Variants in ABCC6 observed in about 807,000 individuals in gnomAD.
ABCC6 encodes the protein ATP-binding cassette sub-family C member 6.
In ABCC6, 126 loss-of-function variants were observed where a neutral mutation model predicts 169.5. The observed-to-expected ratio is 0.74, with a 90% CI of 0.64 to 0.86. The LOEUF is 0.86. Ranked by LOEUF, ABCC6 falls within the 40% of genes least tolerant of loss-of-function variation. The pLI is 0.00. For synonymous variants in ABCC6, 752 were observed against 814.7 expected (o/e 0.92, Z 1.31); for missense variants, 1,733 against 1,927.2 (o/e 0.90, Z 1.89).
chr16:16,215,081 C>T (rs751223996), intron 4 of ABCC6, among the ~76,000 whole-genome samples: 4 of 152,214 alleles, frequency 2.6e-5, no homozygotes, highest in Non-Finnish European at 5.9e-5. Flanking sequence ...ATCCTTTCTC[C>T]GTTCCACCCT....
intron 24 of ABCC6, among the ~76,000 whole-genome samples, chr16:16,162,515 T>A (rs1596607362): frequency 6.6e-6 from 1 of 152,218 alleles, no homozygotes; most frequent in East Asian, 1.9e-4. Flanking sequence ...GTTACAGGTC[T>A]TACCTATGAG....
Position 16,188,990 on chromosome 16 carries a change from G to A in ABCC6, c.1636-16C>T, listed in dbSNP as rs529292262. 2.5e-6 allele frequency: 4 copies of A among 1,612,542 alleles called. No individual in the cohort carries two copies. The highest frequency in any genetic ancestry group is 3.4e-6 in the Non-Finnish European group (4 of 1,179,368). On this transcript the variant is annotated splice_polypyrimidine_tract_variant and intron_variant, in intron 12 of 30. Coordinates refer to ENST00000205557, the MANE Select transcript of ABCC6 (RefSeq NM_001171.6). ...CCAGTGCGACCTGGGGGGTGGGGGG[G>A]ACACGTGGGGCAACAGTGAGACACG...
At chr16:16,182,320 T>A in intron 17 of ABCC6, 92 bp downstream of exon 17, 1 of 1,522,872 alleles carries the variant, frequency 6.6e-7, no homozygotes, top group South Asian at 1.1e-5. Context: ...ATTCCTCTCA[T>A]TTCTCCATCA....
rs72653791 is a variant in ABCC6 at position 16,178,871 on chromosome 16, G to A, written c.2342C>T (p.Ala781Val). 29 of 1,613,750 alleles carry A rather than the reference G, an allele frequency of 1.8e-5. No homozygotes were observed. Among genetic ancestry groups the A allele is most frequent in the South Asian group, 4.4e-5 (4 of 91,082 alleles). ...AAVYLLDDPL[A>V]ALDAHVGQHV... ...CTGGCCAACGTGGGCATCCAGGGCC[G>A]CCAGGGGGTCATCCAGCAGGTACAC... Residue 781 changes from alanine to valine, a missense_variant, in exon 18 of 31, where the codon GCG becomes GTG. Coordinates refer to ENST00000205557, the MANE Select transcript of ABCC6 (RefSeq NM_001171.6).
Position 16,154,726 on chromosome 16 carries a change from A to G in ABCC6, c.4110T>C (p.Ala1370=), listed in dbSNP as rs1182091349. The G allele has an allele frequency of 6.2e-7, 1 of 1,613,396 alleles. No homozygotes were observed. Among genetic ancestry groups the G allele is most frequent in the African/African-American group, 1.3e-5 (1 of 74,894 alleles). ...GCACCGTCTCCAGGGCTGCCCAGAT[A>G]GCCTCGTCCGAGTGCTCCTGCAGCA... The part of the protein sequence containing the change: ...LDLLQEHSDE[A]IWAALETVQL... The change falls in exon 29 of 31, where the codon GCT becomes GCC. Residue 1370 remains alanine, a synonymous_variant. Transcript: ENST00000205557.
chr16:16,220,931 C>T (rs1340075878), intron 2 of ABCC6, among the ~76,000 whole-genome samples: 1 of 151,722 alleles, frequency 6.6e-6, no homozygotes, highest in Non-Finnish European at 1.5e-5. Context: ...GTAACACAGT[C>T]ATGACTATTG....
At position 16,154,985 on chromosome 16, in the gene ABCC6, C is replaced by A. The variant is rs771434033; in HGVS notation, c.3929G>T (p.Ser1310Ile). The A allele has an allele frequency of 3.2e-6, 5 of 1,571,744 alleles. No individual in the cohort carries two copies. The African/African-American group carries it at 6.8e-5, about 21-fold the overall frequency. The change falls in exon 28 of 31, where the codon AGT becomes ATT. Residue 1310 changes from serine to isoleucine, a missense_variant. By Grantham distance (142) the Ser-to-Ile change is moderately radical. Transcript: ENST00000205557. ...RTGAGKSSLA[S>I]GLLRLQEAAE... ...TGCCTCCTGGAGCCGCAGCAGCCCA[C>A]TGGCCAGGGAGGACTTCCCTGCCCC... is the stretch of plus-strand genomic sequence containing the variant.
chr16:16,155,349 C>A, intron 27 of ABCC6: 1 of 455,422 alleles, frequency 2.2e-6, no homozygotes, highest in South Asian at 3.1e-5. Context: ...CTTTTTTCTA[C>A]CCCATCCCAT....
At position 16,179,104 on chromosome 16, in the gene ABCC6, CA is replaced by C. The variant is rs2047388300; in HGVS notation, c.2248-140del. ...CATGCCTATTCCCTGGGGACAGGCC[CA>C]GCTTCCAAGGCACTCGCTCTCAAGC... is the stretch of plus-strand genomic sequence containing the variant. On this transcript the variant is annotated intron_variant, in intron 17 of 30. Coordinates refer to ENST00000205557, the MANE Select transcript of ABCC6 (RefSeq NM_001171.6). The C allele has an allele frequency of 1.2e-5, 12 of 990,372 alleles. No homozygotes were observed. The East Asian group carries it at 3.2e-4, about 26-fold the overall frequency. The allele number at this position is 990,372 out of a possible 1,614,324, so 61.3% of individuals were successfully genotyped here. A position where few individuals can be genotyped will look rare whatever the true frequency, so the allele number is the denominator to read the frequency against.
intron 4 of ABCC6, among the ~76,000 whole-genome samples, chr16:16,219,059 CAA>C (rs545447445): frequency 2.7e-3 from 28 of 10,366 alleles, no homozygotes; most frequent in African/African-American, 8.1e-3. Context: ...GCAAGCCTCT[CAA>C]AAAAAAAAAA....
chr16:16,187,257 A>T (rs747019042), intron 13 of ABCC6, 46 bp from the exon 14 acceptor site: 14 of 1,547,982 alleles, frequency 9.0e-6, no homozygotes, highest in Non-Finnish European at 1.1e-5. Flanking sequence ...AGAGCAAAGA[A>T]CTCAGGTTTT....
chr16:16,171,067 T>TTGCACCTG lies in ABCC6; in HGVS notation c.2788-1222_2788-1215dup, dbSNP rs2047050019. Among the ~76,000 whole-genome samples, 23 of 152,130 alleles carry TTGCACCTG rather than the reference T, an allele frequency of 1.5e-4. No individual in the cohort carries two copies. The South Asian group carries it at 4.8e-3, about 32-fold the overall frequency. On this transcript the variant is annotated intron_variant, in intron 21 of 30. Transcript: ENST00000205557. ...TAAGCTACTTCCCACCTCGGAGCCATTGCACCTGCTGCTCTCTCTGCCTGG... is the reference window on the plus strand; with the variant it reads ...TAAGCTACTTCCCACCTCGGAGCCATTGCACCTGTGCACCTGCTGCTCTCTCTGCCTGG...
intron 30 of ABCC6, 23 bp downstream of exon 30, chr16:16,150,555 T>G: frequency 8.7e-6 from 14 of 1,601,804 alleles, no homozygotes; most frequent in Non-Finnish European, 1.2e-5. Context: ...TGCTGTGAGG[T>G]CAGGCCGGGG....
At position 16,202,066 on chromosome 16, in the gene ABCC6, T is replaced by C. The variant is rs1464814949; in HGVS notation, c.1111A>G (p.Met371Val). Reference protein sequence around the residue: ...CLQTLFEQQNMYRLKVLQMRL... With the variant: ...CLQTLFEQQNVYRLKVLQMRL... Reference sequence around the variant, plus strand: ...ATCTGCAGCACCTTGAGCCTGTACATGTTCTGCTGCTCAAACAGCGTTTGC... The same window carrying C: ...ATCTGCAGCACCTTGAGCCTGTACACGTTCTGCTGCTCAAACAGCGTTTGC... Residue 371 changes from methionine (M) to valine (V), a missense_variant, in exon 9 of 31, where the codon ATG becomes GTG. Around this residue, in one of 5 missense-constraint regions of ABCC6, gnomAD observed 1,601 missense variants for 1,635.5 expected, o/e 0.98. Transcript: ENST00000205557. 1.9e-6 allele frequency: 3 copies of C among 1,613,906 alleles called. No homozygotes were observed. Among genetic ancestry groups the C allele is most frequent in the African/African-American group, 1.3e-5 (1 of 74,946 alleles).
intron 22 of ABCC6, among the ~76,000 whole-genome samples, chr16:16,168,719 A>ACT (rs1567483200): frequency 6.6e-6 from 1 of 151,680 alleles, no homozygotes; most frequent in African/African-American, 2.4e-5. Context: ...GAGACTGAAC[A>ACT]GGGGATACGA....
chr16:16,178,466 C>G (rs144008553), intron 18 of ABCC6, among the ~76,000 whole-genome samples: 41 of 152,146 alleles, frequency 2.7e-4, no homozygotes, highest in African/African-American at 9.6e-4. Flanking sequence ...TTCTTGTAAA[C>G]AGCATATCCA....
At chr16:16,215,797 G>A (rs1277274768) in intron 4 of ABCC6, among the ~76,000 whole-genome samples, 11 of 151,896 alleles carry the variant, frequency 7.2e-5, no homozygotes, top group African/African-American at 2.4e-4. Context: ...TCTGGATGAC[G>A]TGAGATATTT....
chr16:16,195,435 C>A (rs1437619377), intron 10 of ABCC6, among the ~76,000 whole-genome samples: 1 of 151,074 alleles, frequency 6.6e-6, no homozygotes, highest in Non-Finnish European at 1.5e-5. Flanking sequence ...GCCTCAGCCT[C>A]TCTAGTAGCT....
chr16:16,180,730 A>C (rs911163597), intron 17 of ABCC6, among the ~76,000 whole-genome samples: 1 of 151,716 alleles, frequency 6.6e-6, no homozygotes, highest in Non-Finnish European at 1.5e-5. Context: ...ACCTCAAGCA[A>C]CCCTCCCGCC....
Sources: gnomAD v4.1 joint callset for allele counts (sites outside exome capture counted in the v4.1 genomes callset) on GRCh38, gnomAD v4.1.1 for gene constraint, gnomAD v4.1.1 regional missense constraint, MANE v1.5 for transcripts, NCBI Gene and HGNC (gene_info 2026-07-23, HGNC 2026-07-21) for gene names.